The following SLC8A3 variants were observed in gnomAD, a reference collection of about 807,000 sequenced individuals.
SLC8A3 encodes the protein solute carrier family 8 member A3.
Under a neutral mutation model 65.4 loss-of-function variants are expected in SLC8A3, and 37 were observed. The observed-to-expected ratio is 0.57, with a 90% CI of 0.44 to 0.74. The LOEUF is 0.74. SLC8A3 is among the 30% of genes least tolerant of loss of function. SLC8A3 has a pLI of 0.00. For missense variants in SLC8A3, 1,112 were observed against 1,172.1 expected, an observed-to-expected ratio of 0.95 and a Z score of 0.75; for synonymous variants, 461 against 444.5, an observed-to-expected ratio of 1.04 and a Z score of -0.47.
chr14:70,057,745 A>G (rs1036412530), intron 3 of SLC8A3, among the ~76,000 whole-genome samples: 1 of 152,164 alleles, frequency 6.6e-6, no homozygotes, highest in African/African-American at 2.4e-5. Flanking sequence ...GGGTCAGGTG[A>G]GAGTCATTTA....
intron 2 of SLC8A3, among the ~76,000 whole-genome samples, chr14:70,136,337 T>C (rs1895199517): frequency 1.3e-5 from 2 of 152,200 alleles, no homozygotes; most frequent in Non-Finnish European, 2.9e-5. Flanking sequence ...AATACATTTT[T>C]GTTGTTTTAC....
intron 2 of SLC8A3, among the ~76,000 whole-genome samples, chr14:70,067,482 C>G (rs1376908039): frequency 3.3e-5 from 5 of 152,210 alleles, no homozygotes; most frequent in African/African-American, 1.2e-4. Flanking sequence ...TCTTGTCTAT[C>G]TGACTTGCTA....
At chr14:70,151,423 G>A (rs1369117952) in intron 2 of SLC8A3, among the ~76,000 whole-genome samples, 1 of 152,182 alleles carries the variant, frequency 6.6e-6, no homozygotes, top group Non-Finnish European at 1.5e-5. Flanking sequence ...CTTGCAAACA[G>A]GAATTCAAAA....
At chr14:70,092,709 C>G (rs982336320) in intron 2 of SLC8A3, among the ~76,000 whole-genome samples, 1 of 152,116 alleles carries the variant, frequency 6.6e-6, no homozygotes, top group Non-Finnish European at 1.5e-5. Flanking sequence ...AGTAATGTCT[C>G]CAGCCCAGTG....
At chr14:70,119,100 GT>G (rs1475834348) in intron 2 of SLC8A3, among the ~76,000 whole-genome samples, 1 of 152,106 alleles carries the variant, frequency 6.6e-6, no homozygotes, top group South Asian at 2.1e-4. Flanking sequence ...AGTGCAAGTA[GT>G]TTTTTGAGGG....
rs1886696144 is a variant in SLC8A3 at position 70,045,850 on chromosome 14, T to A, written c.*97A>T. On this transcript the variant is annotated 3_prime_UTR_variant, in exon 7 of 7. Coordinates refer to ENST00000356921, the MANE Select transcript of SLC8A3 (RefSeq NM_182932.3). ...GGGGCTTAGGTCCTGATGCTGCCTC[T>A]CCAGGGCAGTGCAGTCGGGAGAGAT... 7.8e-7 allele frequency: 1 copy of A among 1,276,874 alleles called. No homozygotes were observed. The highest frequency in any genetic ancestry group is 1.5e-5 in the African/African-American group (1 of 66,398). The allele number at this position is 1,276,874 out of a possible 1,614,324, so 79.1% of individuals were successfully genotyped here. A position where few individuals can be genotyped will look rare whatever the true frequency, so the allele number is the denominator to read the frequency against.
At chr14:70,086,388 CTTTTTCTTTTTTCTT>C (rs1310130587) in intron 2 of SLC8A3, among the ~76,000 whole-genome samples, 30 of 135,332 alleles carry the variant, frequency 2.2e-4, no homozygotes, top group African/African-American at 7.3e-4. Flanking sequence ...TTTCTTTTTT[CTTTTTCTTTTTTCTT>C]TTTTTTTTTT....
Position 70,168,126 on chromosome 14 carries a change from C to T in SLC8A3, c.297G>A (p.Met99Ile), listed in dbSNP as rs1259275294. The change falls in exon 2 of 7, where the codon ATG (methionine) becomes ATA (isoleucine). Residue 99 changes from methionine (M) to isoleucine (I), a missense_variant. Physicochemically the swap from Met to Ile is conservative, Grantham distance 10. Transcript: ENST00000356921. ...LGVSIIADRF[M>I]ASIEVITSQE... ...GAGAGGTGATGACTTCAATAGATGCCATGAAGCGGTCAGCAATGATGGACA... is the reference window on the plus strand; with the variant it reads ...GAGAGGTGATGACTTCAATAGATGCTATGAAGCGGTCAGCAATGATGGACA... 2 of 1,614,086 alleles carry T rather than the reference C, an allele frequency of 1.2e-6. No individual in the cohort carries two copies. The highest frequency in any genetic ancestry group is 1.7e-5 in the Admixed American group (1 of 60,014).
intron 1 of SLC8A3, among the ~76,000 whole-genome samples, chr14:70,186,956 C>G (rs1883281734): frequency 6.6e-6 from 1 of 152,206 alleles, no homozygotes; most frequent in Admixed American, 6.5e-5. Flanking sequence ...GGATGGGGCA[C>G]GACAGCTGTG....
intron 2 of SLC8A3, among the ~76,000 whole-genome samples, chr14:70,136,715 A>G (rs941830806): frequency 1.3e-5 from 2 of 152,168 alleles, no homozygotes; most frequent in Admixed American, 6.5e-5. Flanking sequence ...CACAACACCC[A>G]TCTCAACCTA....
chr14:70,154,973 G>A (rs1005658869), intron 2 of SLC8A3, among the ~76,000 whole-genome samples: 14 of 145,060 alleles, frequency 9.7e-5, no homozygotes, highest in South Asian at 6.4e-4. Context: ...AGGCTGGAGT[G>A]CAGTGGCGTG....
chr14:70,170,428 C>T (rs951882405), intron 1 of SLC8A3, among the ~76,000 whole-genome samples: 1 of 152,162 alleles, frequency 6.6e-6, no homozygotes, highest in Non-Finnish European at 1.5e-5. Flanking sequence ...TAGATCTCAT[C>T]CAATAAACAG....
intron 2 of SLC8A3, among the ~76,000 whole-genome samples, chr14:70,148,871 C>T (rs1896097273): frequency 6.6e-6 from 1 of 152,148 alleles, no homozygotes; most frequent in African/African-American, 2.4e-5. Flanking sequence ...GGGCCGTGAT[C>T]AGGGCGTGAA....
At chr14:70,134,307 T>A (rs1365529789) in intron 2 of SLC8A3, among the ~76,000 whole-genome samples, 1 of 152,206 alleles carries the variant, frequency 6.6e-6, no homozygotes, top group African/African-American at 2.4e-5. Flanking sequence ...AACAAAAGGA[T>A]GCTTTTTTAC....
At chr14:70,056,049 C>A (rs933509097) in intron 3 of SLC8A3, among the ~76,000 whole-genome samples, 3 of 152,166 alleles carry the variant, frequency 2.0e-5, no homozygotes, top group African/African-American at 7.2e-5. Flanking sequence ...CTGGTAAGGG[C>A]ATTTGCTCCT....
chr14:70,137,886 C>T (rs534496134), intron 2 of SLC8A3, among the ~76,000 whole-genome samples: 2 of 149,274 alleles, frequency 1.3e-5, no homozygotes, highest in South Asian at 2.1e-4. Flanking sequence ...TAGGGGAGAA[C>T]GATGGATGAC....
chr14:70,064,793 T>G (rs573852506), intron 2 of SLC8A3, among the ~76,000 whole-genome samples: 1 of 152,340 alleles, frequency 6.6e-6, no homozygotes, highest in African/African-American at 2.4e-5. Flanking sequence ...TTTGTTAATA[T>G]AAACATTTAA....
chr14:70,071,354 C>T (rs368258452), intron 2 of SLC8A3, among the ~76,000 whole-genome samples: 7 of 152,144 alleles, frequency 4.6e-5, no homozygotes, highest in African/African-American at 1.4e-4. Flanking sequence ...CTGATTGAAT[C>T]GCATGAACGC....
At chr14:70,070,839 T>C (rs998164644) in intron 2 of SLC8A3, among the ~76,000 whole-genome samples, 4 of 152,194 alleles carry the variant, frequency 2.6e-5, no homozygotes, top group African/African-American at 9.6e-5. Flanking sequence ...TTCCCAGGAA[T>C]AAAGAGAAAC....
Sources: allele counts gnomAD v4.1 joint callset (sites outside exome capture counted in the v4.1 genomes callset), GRCh38; gene constraint gnomAD v4.1.1; transcripts MANE v1.5; gene names NCBI Gene and HGNC (gene_info 2026-07-23, HGNC 2026-07-21).